Variants in SHF observed in about 807,000 individuals in gnomAD.
SHF encodes SH2 domain-containing adapter protein F.
In SHF, 30 loss-of-function variants were observed where a neutral mutation model predicts 42.4. The ratio of observed to expected loss-of-function variants is 0.71; its 90% CI spans 0.53 to 0.96. The LOEUF (loss-of-function observed/expected upper bound fraction) is 0.96. Among genes scored for constraint, SHF ranks in the 40% least tolerant of loss-of-function variants. SHF has a pLI of 0.00. For synonymous variants in SHF, 264 were observed against 269.9 expected, an observed-to-expected ratio of 0.98 and a Z score of 0.21; for missense variants, 598 against 634.0, an observed-to-expected ratio of 0.94 and a Z score of 0.61.
At chr15:45,194,810 A>G (rs530072455) in intron 2 of SHF, among the ~76,000 whole-genome samples, 1 of 152,284 alleles carries the variant, frequency 6.6e-6, no homozygotes, top group South Asian at 2.1e-4. Flanking sequence ...ATGGTATTTT[A>G]AAATTGACTT....
chr15:45,185,293 T>TG (rs1190333652), intron 1 of SHF, among the ~76,000 whole-genome samples: 2 of 152,260 alleles, frequency 1.3e-5, no homozygotes, highest in African/African-American at 2.4e-5. Flanking sequence ...GGCCACATAG[T>TG]ACATAAACAC....
exon 2 of SHF, chr15:45,198,908 T>C (rs1466537166): frequency 6.2e-7 from 1 of 1,613,688 alleles, no homozygotes; most frequent in East Asian, 2.2e-5. Flanking sequence ...GTGAGCGCAG[T>C]GGGAGTTTAG....
chr15:45,188,910 C>T (rs1898612838), upstream of SHF, among the ~76,000 whole-genome samples: 2 of 152,166 alleles, frequency 1.3e-5, no homozygotes, highest in Admixed American at 1.3e-4. Flanking sequence ...AAGCCAGTTC[C>T]GGCTGGGCGC....
intron 2 of SHF, 118 bp from the exon 3 acceptor site, chr15:45,175,543 G>C (rs556838679): frequency 1.7e-5 from 17 of 1,024,378 alleles, no homozygotes; most frequent in Admixed American, 1.1e-4. Context: ...CCCTGGCTCT[G>C]GGGGGAGCTC....
chr15:45,170,904 G>A (rs936036709), intron 6 of SHF: 30 of 157,152 alleles, frequency 1.9e-4, no homozygotes, highest in African/African-American at 7.2e-4. Context: ...CACCTGCCAC[G>A]GCCTTTGAAA....
intron 3 of SHF, among the ~76,000 whole-genome samples, chr15:45,174,779 G>A (rs112976674): frequency 1.2e-4 from 19 of 152,228 alleles, no homozygotes; most frequent in East Asian, 9.7e-4. Flanking sequence ...CCCCTGGTCC[G>A]CCAGGGCCTA....
chr15:45,187,873 C>A lies in SHF; in HGVS notation c.79G>T (p.Gly27Trp), dbSNP rs1446620981. The A allele has an allele frequency of 4.3e-6, 5 of 1,164,146 alleles. No individual in the cohort carries two copies. In the African/African-American group the frequency reaches 8.1e-5, roughly 19 times the overall value. 72.1% of individuals were successfully genotyped at this position (1,164,146 alleles called of 1,614,324 possible). The change falls in exon 1 of 7, where the codon GGG becomes TGG. Residue 27 changes from glycine to tryptophan, a missense_variant. Coordinates refer to ENST00000690270, the MANE Select transcript of SHF (RefSeq NM_001394037.1). ...GCACCCCCGGCGCCCCGGCGGGACCCCCCCGGGCCGCCCCCAGCGCTCCCC... is the reference window on the plus strand; with the variant it reads ...GCACCCCCGGCGCCCCGGCGGGACCACCCCGGGCCGCCCCCAGCGCTCCCC... ...TQGSAGGGPG[G>W]SRRGAGGAGA...
At chr15:45,195,928 C>T (rs1898848589) in intron 2 of SHF, among the ~76,000 whole-genome samples, 1 of 152,148 alleles carries the variant, frequency 6.6e-6, no homozygotes, top group Admixed American at 6.5e-5. Flanking sequence ...CTCACATATG[C>T]ACTTTGTTTG....
chr15:45,170,645 CTTTTT>C (rs146136602), intron 6 of SHF: 77 of 221,586 alleles, frequency 3.5e-4, no homozygotes, highest in South Asian at 6.5e-4. Flanking sequence ...TTATCTTTTT[CTTTTT>C]TTTTTTTTTT....
chr15:45,193,268 C>A (rs987715416), intron 2 of SHF, among the ~76,000 whole-genome samples: 15 of 152,168 alleles, frequency 9.9e-5, no homozygotes, highest in Admixed American at 6.5e-5. Flanking sequence ...CACATGACAG[C>A]CTCAGGAGGT....
chr15:45,167,661 C>T lies in SHF; in HGVS notation c.*286G>A. 1 of 269,112 alleles carries T rather than the reference C, an allele frequency of 3.7e-6. No individual in the cohort carries two copies. Among genetic ancestry groups the T allele is most frequent in the East Asian group, 6.5e-5 (1 of 15,364 alleles). The allele number at this position is 269,112 out of a possible 1,614,324, so 16.7% of individuals were successfully genotyped here. On this transcript the variant is annotated 3_prime_UTR_variant, in exon 7 of 7. Coordinates refer to ENST00000690270, the MANE Select transcript of SHF (RefSeq NM_001394037.1). ...CCCTAAGGTCGGAAAGGAGCCGGAGCTGCCAGTCTGAAACTCCCTACCATC... is the reference window on the plus strand; with the variant it reads ...CCCTAAGGTCGGAAAGGAGCCGGAGTTGCCAGTCTGAAACTCCCTACCATC...
At position 45,173,653 on chromosome 15, in the gene SHF, G is replaced by A. The variant is rs1407623494; in HGVS notation, c.911C>T (p.Pro304Leu). ...PPPVGQLDSS[P>L]SLPDGDRDIS... is the part of the protein sequence containing the mutation. The stretch of plus-strand genomic sequence containing the variant: ...GTCCCTGTCCCCATCAGGCAGGGAG[G>A]GGCTGCTGTCCAGCTGTCCCACAGG... Residue 304 changes from proline (P) to leucine (L), a missense_variant, in exon 4 of 7, where the codon CCC becomes CTC. Pro to Leu is a moderately conservative substitution (Grantham distance 98). Coordinates refer to ENST00000690270, the MANE Select transcript of SHF (RefSeq NM_001394037.1). 6.4e-6 allele frequency: 10 copies of A among 1,551,538 alleles called. No individual in the cohort carries two copies. In the Admixed American group the frequency reaches 2.0e-4, roughly 30 times the overall value.
intron 1 of SHF, among the ~76,000 whole-genome samples, chr15:45,183,581 G>A (rs1046677215): frequency 6.6e-6 from 1 of 152,226 alleles, no homozygotes; most frequent in Non-Finnish European, 1.5e-5. Context: ...TGACTCTGTG[G>A]TGAGGGCTAA....
chr15:45,176,960 C>A (rs890805461), intron 2 of SHF, among the ~76,000 whole-genome samples: 6 of 152,162 alleles, frequency 3.9e-5, no homozygotes, highest in African/African-American at 1.4e-4. Flanking sequence ...ACCCAGTGAC[C>A]TTCACCCTCA....
chr15:45,188,636 A>C (rs1031693528), upstream of SHF, among the ~76,000 whole-genome samples: 5 of 151,758 alleles, frequency 3.3e-5, no homozygotes, highest in East Asian at 9.6e-4. Flanking sequence ...TCTCACACGC[A>C]AACAGCCCTC....
chr15:45,197,927 A>T (rs1898917584), intron 2 of SHF, among the ~76,000 whole-genome samples: 1 of 152,178 alleles, frequency 6.6e-6, no homozygotes, highest in Non-Finnish European at 1.5e-5. Flanking sequence ...TGCATATATA[A>T]ATATATATTC....
At chr15:45,199,152 A>G (rs1898980425) in intron 1 of SHF, 2 of 1,423,544 alleles carry the variant, frequency 1.4e-6, no homozygotes, top group Admixed American at 2.8e-5. Flanking sequence ...AAAAAAATTC[A>G]GCAAACGCAT....
At chr15:45,200,428 T>G in intron 1 of SHF, 1 of 235,560 alleles carries the variant, frequency 4.2e-6, no homozygotes, top group Non-Finnish European at 8.8e-6. Flanking sequence ...TGACTCGGAT[T>G]CGAACCGAGG....
At chr15:45,168,192 C>A (rs1897310799) in intron 6 of SHF, 59 bp from the exon 7 acceptor site, 4 of 1,471,802 alleles carry the variant, frequency 2.7e-6, no homozygotes, top group South Asian at 1.4e-5. Flanking sequence ...CCTCATCCAT[C>A]CACCCAGTAA....
Sources: allele counts gnomAD v4.1 joint callset (sites outside exome capture counted in the v4.1 genomes callset), GRCh38; gene constraint gnomAD v4.1.1; transcripts MANE v1.5; gene names NCBI Gene and HGNC (gene_info 2026-07-23, HGNC 2026-07-21).